The following SCUBE2 variants were observed in gnomAD, a reference collection of about 807,000 sequenced individuals.
SCUBE2 encodes signal peptide, CUB and EGF-like domain-containing protein 2.
Under a neutral mutation model 125.9 loss-of-function variants are expected in SCUBE2, and 114 were observed. The ratio of observed to expected loss-of-function variants is 0.91; its 90% CI spans 0.78 to 1.06. The LOEUF is 1.06. SCUBE2 is among the 50% of genes least tolerant of loss of function. The probability of loss-of-function intolerance (pLI) is 0.00; values close to 1 mark genes in which losing one functional copy is unlikely to be tolerated. For synonymous variants in SCUBE2, 459 were observed against 492.9 expected (o/e 0.93, Z 0.91); for missense variants, 1,255 against 1,301.8 (o/e 0.96, Z 0.55).
chr11:9,052,894 G>C, intron 12 of SCUBE2, 62 bp from the exon 13 acceptor site: 1 of 1,338,600 alleles, frequency 7.5e-7, no homozygotes, highest in Non-Finnish European at 1.0e-6. Flanking sequence ...CCTGGTAGCA[G>C]CTAAACTGTC....
chr11:9,078,112 G>A (rs1861349088), intron 3 of SCUBE2, among the ~76,000 whole-genome samples: 1 of 152,224 alleles, frequency 6.6e-6, no homozygotes, highest in African/African-American at 2.4e-5. Flanking sequence ...AGCAACCCAT[G>A]TGGTATGCCT....
Position 9,091,050 on chromosome 11 carries a change from T to C in SCUBE2, c.133+346A>G, listed in dbSNP as rs971925859. Among the ~76,000 whole-genome samples, 4 of 151,850 alleles carry C rather than the reference T, an allele frequency of 2.6e-5. No homozygotes were observed. The highest frequency in any genetic ancestry group is 5.9e-5 in the Non-Finnish European group (4 of 67,852). On this transcript the variant is annotated intron_variant, in intron 1 of 22. Transcript: ENST00000649792. The surrounding 1 kb of genome is among the most constrained non-coding windows in gnomAD (Gnocchi z 8.5). ...CGGATGTGCCCGGCCCGGCCCTCAG[T>C]TTCCCCGCCTACGCTGAGGCGCGGG...
Position 9,047,367 on chromosome 11 carries a change from T to C in SCUBE2, c.1991A>G (p.Glu664Gly), listed in dbSNP as rs574846021. 320 of 1,614,188 alleles carry C rather than the reference T, an allele frequency of 2.0e-4. 1 individual carries two copies. The highest frequency in any genetic ancestry group is 2.3e-4 in the Non-Finnish European group (275 of 1,180,032). The stretch of plus-strand genomic sequence containing the variant: ...CCCAGGCCACTCACCACATTGGTTT[T>C]CTGCATGACCCTGGCCCACTCCACA... ...ESCGVGQGHAENQCVSCRAGT... is the reference protein window; with the variant it reads ...ESCGVGQGHAGNQCVSCRAGT... The change falls in exon 16 of 23, where the codon GAA (glutamate) becomes GGA (glycine). Residue 664 changes from glutamate (E) to glycine (G), a missense_variant. Glu to Gly is a moderately conservative substitution (Grantham distance 98). Around this residue, in one of 3 missense-constraint regions of SCUBE2, gnomAD observed 515 missense variants for 515.7 expected, o/e 1.00. Transcript: ENST00000649792.
At position 9,025,857 on chromosome 11, in the gene SCUBE2, GC is replaced by G. The variant is rs1172658421; in HGVS notation, c.2702-4del. 1.2e-6 allele frequency: 2 copies of G among 1,613,334 alleles called. No homozygotes were observed. Among genetic ancestry groups the G allele is most frequent in the Admixed American group, 3.3e-5 (2 of 59,940 alleles). ...TGTTGTCACAGAATTGGATGAAGCTGCCAAGGGAAGTTGGAGAAGGGTGGGG... is the reference window on the plus strand; with the variant it reads ...TGTTGTCACAGAATTGGATGAAGCTGCAAGGGAAGTTGGAGAAGGGTGGGG... On this transcript the variant is annotated splice_region_variant and splice_polypyrimidine_tract_variant and intron_variant, in intron 20 of 22. Transcript: ENST00000649792.
chr11:9,091,431 G>A lies in SCUBE2; in HGVS notation c.98C>T (p.Pro33Leu), dbSNP rs1862720571. ...CCCCGCGGCACGGCCCCGACCCGGC[G>A]GGACGGCCCCCGCCAGCAGCAGCAG... ...PPLLLLAGAV[P>L]PGRGRAAGPQ... is the part of the protein sequence containing the mutation. The change falls in exon 1 of 23, where the codon CCG becomes CTG. Residue 33 changes from proline (P) to leucine (L), a missense_variant. By Grantham distance (98) the Pro-to-Leu change is moderately conservative. Coordinates refer to ENST00000649792, the MANE Select transcript of SCUBE2 (RefSeq NM_001367977.2). The surrounding 1 kb of genome is among the most constrained non-coding windows in gnomAD (Gnocchi z 8.5). The A allele has an allele frequency of 1.5e-6, 2 of 1,333,612 alleles. No individual in the cohort carries two copies. The highest frequency in any genetic ancestry group is 3.3e-5 in the Admixed American group (1 of 30,014). The allele number at this position is 1,333,612 out of a possible 1,614,324, so 82.6% of individuals were successfully genotyped here.
intron 18 of SCUBE2, 93 bp from the exon 19 acceptor site, chr11:9,030,138 G>T: frequency 1.4e-6 from 2 of 1,412,354 alleles, no homozygotes; most frequent in Non-Finnish European, 1.9e-6. Flanking sequence ...TGAAAGAAAT[G>T]TTTATGTGCA....
chr11:9,078,732 C>A (rs1861400040), intron 3 of SCUBE2, among the ~76,000 whole-genome samples: 1 of 152,228 alleles, frequency 6.6e-6, no homozygotes, highest in Non-Finnish European at 1.5e-5. Flanking sequence ...AAGCAAACCA[C>A]AAATACCTAT....
intron 7 of SCUBE2, among the ~76,000 whole-genome samples, chr11:9,063,408 G>A (rs190434157): frequency 6.6e-6 from 1 of 152,308 alleles, no homozygotes; most frequent in East Asian, 1.9e-4. Flanking sequence ...GGAAGGAGGA[G>A]AAGATCCTGG....
rs1861466792 is a variant in SCUBE2, at chr11:9,079,509, T to A, written c.257A>T (p.Asp86Val). 1 of 1,613,568 alleles carries A rather than the reference T, an allele frequency of 6.2e-7. No homozygotes were observed. Among genetic ancestry groups the A allele is most frequent in the Non-Finnish European group, 8.5e-7 (1 of 1,179,776 alleles). Residue 86 changes from aspartate (D) to valine (V), a missense_variant and splice_region_variant, in exon 3 of 23, where the codon GAC (aspartate) becomes GTC (valine). Transcript: ENST00000649792. Reference protein sequence around the residue: ...GYQGEGRQCEDIDECGNELNG... With the variant: ...GYQGEGRQCEVIDECGNELNG... ...GAGCTCATTTCCACATTCATCGATG[T>A]CTGAGGAATAAAACAGAAGTAAACC...
chr11:9,062,425 G>A (rs946590104), intron 7 of SCUBE2, among the ~76,000 whole-genome samples: 1 of 152,188 alleles, frequency 6.6e-6, no homozygotes, highest in African/African-American at 2.4e-5. Context: ...TCACTGCCTC[G>A]TCACCCAAAC....
At chr11:9,066,646 G>A (rs1342420800) in intron 6 of SCUBE2, 51 bp downstream of exon 6, 35 of 1,434,570 alleles carry the variant, frequency 2.4e-5, no homozygotes, top group Non-Finnish European at 3.3e-5. Flanking sequence ...GTAGGGGTAG[G>A]GACAGGCAGG....
At chr11:9,049,628 T>G (rs10769988) in intron 14 of SCUBE2, among the ~76,000 whole-genome samples, 1 of 151,980 alleles carries the variant, frequency 6.6e-6, no homozygotes, top group Admixed American at 6.6e-5. Flanking sequence ...ATTTGGCAAA[T>G]GCAGAAAAAA....
At chr11:9,055,706 T>G (rs562977709) in intron 10 of SCUBE2, 87 bp downstream of exon 10, 205 of 973,810 alleles carry the variant, frequency 2.1e-4, no homozygotes, top group Non-Finnish European at 3.3e-4. Flanking sequence ...TACCCCAATG[T>G]AGGAAAGCAA....
intron 21 of SCUBE2, chr11:9,024,402 T>C: frequency 7.8e-7 from 1 of 1,288,804 alleles, no homozygotes; most frequent in Non-Finnish European, 1.0e-6. Flanking sequence ...TGTTTGACAT[T>C]ATTTCAGGCA....
intron 7 of SCUBE2, among the ~76,000 whole-genome samples, 180 bp downstream of exon 7, chr11:9,065,711 G>A (rs926060733): frequency 1.3e-5 from 2 of 152,212 alleles, no homozygotes; most frequent in African/African-American, 4.8e-5. Flanking sequence ...GGTCTTGCTT[G>A]GTTGGTGATT....
At position 9,088,460 on chromosome 11, in the gene SCUBE2, C is replaced by T. The variant is rs141569593; in HGVS notation, c.256+1247G>A. Among the ~76,000 whole-genome samples the T allele has an allele frequency of 2.3e-4, 35 of 152,302 alleles. No individual in the cohort carries two copies. In the East Asian group the frequency reaches 5.4e-3, roughly 24 times the overall value. ...AGGCTTCAGTGAGCTGAGATCGCGCCATTGCACTCCAGCCTGGGTAACAAG... is the reference window on the plus strand; with the variant it reads ...AGGCTTCAGTGAGCTGAGATCGCGCTATTGCACTCCAGCCTGGGTAACAAG... On this transcript the variant is annotated intron_variant, in intron 2 of 22. Transcript: ENST00000649792.
intron 9 of SCUBE2, among the ~76,000 whole-genome samples, chr11:9,057,668 G>A (rs1257296378): frequency 4.0e-5 from 6 of 150,666 alleles, no homozygotes; most frequent in Non-Finnish European, 5.9e-5. Context: ...ACAGGTGCCC[G>A]CCACCGCGCC....
chr11:9,020,988 G>A lies in SCUBE2; in HGVS notation c.*57C>T. On this transcript the variant is annotated 3_prime_UTR_variant, in exon 23 of 23. Transcript: ENST00000649792. The stretch of plus-strand genomic sequence containing the variant: ...TGTGCTGACATGCAGAAGGAAGACA[G>A]CTCTGTCCCACCAACCCTATAGCAG... 1.3e-6 allele frequency: 2 copies of A among 1,532,572 alleles called. No individual in the cohort carries two copies. Among genetic ancestry groups the A allele is most frequent in the Non-Finnish European group, 1.8e-6 (2 of 1,126,496 alleles). 94.9% of individuals were successfully genotyped at this position (1,532,572 alleles called of 1,614,324 possible). A position where few individuals can be genotyped will look rare whatever the true frequency, so the allele number is the denominator to read the frequency against.
intron 10 of SCUBE2, among the ~76,000 whole-genome samples, chr11:9,054,715 ATATATATATATTTTTTTTTT>A (rs1858856138): frequency 3.0e-5 from 2 of 67,582 alleles, no homozygotes; most frequent in African/African-American, 1.2e-4. Context: ...ATATATATAT[ATATATATATATTTTTTTTTT>A]TTTTTTTTTT....
Sources: allele counts gnomAD v4.1 joint callset (sites outside exome capture counted in the v4.1 genomes callset), GRCh38; gene constraint gnomAD v4.1.1; regional missense constraint gnomAD v4.1.1; non-coding constraint Gnocchi (gnomAD v3.1); transcripts MANE v1.5; gene names NCBI Gene and HGNC (gene_info 2026-07-23, HGNC 2026-07-21).